The following SNX8 variants were observed in gnomAD, a reference collection of about 807,000 sequenced individuals.
SNX8 encodes the protein sorting nexin 8.
SNX8 carries 25 observed loss-of-function variants against 51.6 expected under a neutral mutation model. The observed-to-expected ratio is 0.48, with a 90% confidence interval of 0.35 to 0.68. SNX8 has a LOEUF of 0.68. SNX8 is among the 30% of genes least tolerant of loss of function. The probability of loss-of-function intolerance (pLI) is 0.00; values close to 1 mark genes in which losing one functional copy is unlikely to be tolerated. For synonymous variants in SNX8, 324 were observed against 277.0 expected (o/e 1.17, Z -1.68); for missense variants, 695 against 624.0 (o/e 1.11, Z -1.21).
At chr7:2,331,961 T>C (rs1347325195) in intron 1 of SNX8, among the ~76,000 whole-genome samples, 2 of 151,834 alleles carry the variant, frequency 1.3e-5, no homozygotes, top group African/African-American at 2.4e-5. Flanking sequence ...ATCCCAGCAC[T>C]TTGAGAAGGA....
At chr7:2,336,103 G>C (rs533774271) in intron 1 of SNX8, among the ~76,000 whole-genome samples, 105 of 94,370 alleles carry the variant, frequency 1.1e-3, no homozygotes, top group African/African-American at 3.7e-3. Flanking sequence ...ACTCCATCTC[G>C]AGAAAAAAAA....
intron 1 of SNX8, among the ~76,000 whole-genome samples, chr7:2,312,896 T>C (rs2115211667): frequency 6.6e-6 from 1 of 151,828 alleles, no homozygotes; most frequent in East Asian, 1.9e-4. Flanking sequence ...TCGTTTGTTT[T>C]GTTTTGTTTT....
At chr7:2,283,687 C>A (rs564242309) in intron 1 of SNX8, among the ~76,000 whole-genome samples, 1 of 152,316 alleles carries the variant, frequency 6.6e-6, no homozygotes, top group African/African-American at 2.4e-5. Context: ...GGCTAAATTC[C>A]CCAAAGTGGG....
chr7:2,284,209 C>T lies in SNX8; in HGVS notation c.95-5904G>A, dbSNP rs372655577. ...CCTCCTATAGTGCTGGGATGACAGG[C>T]GTGAGCCACCACACCCAGCCTGGAA... On this transcript the variant is annotated intron_variant, in intron 1 of 10. Transcript: ENST00000222990. Among the ~76,000 whole-genome samples the T allele has an allele frequency of 1.5e-3, 224 of 152,094 alleles. 5 individuals carry two copies. In the South Asian group the frequency reaches 0.045, roughly 30 times the overall value.
At chr7:2,280,070 A>C (rs1239334726) in intron 1 of SNX8, among the ~76,000 whole-genome samples, 1 of 152,116 alleles carries the variant, frequency 6.6e-6, no homozygotes, top group Non-Finnish European at 1.5e-5. Flanking sequence ...AGAAGGGAGG[A>C]AAGAAAGAGA....
chr7:2,263,258 G>A lies in SNX8; in HGVS notation c.887C>T (p.Ala296Val), dbSNP rs138849540. ...QALKGLSVEF[A>V]LLADKAAQQG... is the part of the protein sequence containing the mutation. ...TTGTGCAGCCTTGTCGGCGAGCAGC[G>A]CGAATTCCACAGACAGGCCTTTCAG... Residue 296 changes from alanine to valine, a missense_variant, in exon 7 of 11, where the codon GCG becomes GTG. Transcript: ENST00000222990. 66 of 1,613,806 alleles carry A rather than the reference G, an allele frequency of 4.1e-5. No homozygotes were observed. Among genetic ancestry groups the A allele is most frequent in the Middle Eastern group, 3.3e-4 (2 of 6,084 alleles).
intron 1 of SNX8, among the ~76,000 whole-genome samples, chr7:2,348,338 CTTTTTTTTTTTTTT>C (rs59761780): frequency 1.1e-5 from 1 of 93,676 alleles, no homozygotes; most frequent in East Asian, 3.3e-4. Flanking sequence ...TTCTTTCTTT[CTTTTTTTTTTTTTT>C]TTTTTTGAGA....
Position 2,269,600 on chromosome 7 carries a change from C to A in SNX8, c.580G>T (p.Gly194Trp). 6.2e-7 allele frequency: 1 copy of A among 1,602,226 alleles called. No homozygotes were observed. Residue 194 changes from glycine (G) to tryptophan (W), a missense_variant, in exon 5 of 11, where the codon GGG (glycine) becomes TGG (tryptophan). Transcript: ENST00000222990. The stretch of plus-strand genomic sequence containing the variant: ...AGCTTACAGTTCAGGAATTCGTCCC[C>A]GACGCACTGTGCTGACTCCTTTAAC... ...NKLKESAQCV[G>W]DEFLNCKLAT...
At chr7:2,332,808 G>A (rs573306404) in intron 1 of SNX8, among the ~76,000 whole-genome samples, 2 of 143,830 alleles carry the variant, frequency 1.4e-5, no homozygotes, top group East Asian at 2.0e-4. Flanking sequence ...AGGAAGAAAA[G>A]AAAGAAAGAG....
At chr7:2,257,131 C>T in intron 9 of SNX8, 108 bp from the exon 10 acceptor site, 1 of 1,333,710 alleles carries the variant, frequency 7.5e-7, no homozygotes, top group Non-Finnish European at 1.0e-6. Flanking sequence ...TCTCCTTCAG[C>T]CTTCACCAGG....
At chr7:2,266,681 CT>C (rs1402387014) in intron 5 of SNX8, among the ~76,000 whole-genome samples, 2 of 151,828 alleles carry the variant, frequency 1.3e-5, no homozygotes, top group Non-Finnish European at 2.9e-5. Flanking sequence ...TTTTGTTTTC[CT>C]TTTTTGTTTT....
intron 1 of SNX8, among the ~76,000 whole-genome samples, chr7:2,303,168 A>G (rs553002651): frequency 3.5e-4 from 43 of 123,452 alleles, no homozygotes; most frequent in African/African-American, 1.3e-3. Context: ...GCCTCTGCCC[A>G]GCCGTCCCTA....
At position 2,346,097 on chromosome 7, in the gene SNX8, A is replaced by G. The variant is rs192659384; in HGVS notation, c.-66+8125T>C. Among the ~76,000 whole-genome samples, 1,127 of 152,204 alleles carry G rather than the reference A, an allele frequency of 7.4e-3. 18 individuals carry two copies. The highest frequency in any genetic ancestry group is 0.033 in the Admixed American group (511 of 15,268). On this transcript the variant is annotated intron_variant, in intron 1 of 5. Coordinates refer to the SNX8 transcript ENST00000435336. Reference sequence around the variant, plus strand: ...GCTGGGATTACAGGCGTGAGCCACCACACCCAGCCTATTTCTTATAATAGC... The same window carrying G: ...GCTGGGATTACAGGCGTGAGCCACCGCACCCAGCCTATTTCTTATAATAGC...
At chr7:2,348,130 A>G (rs1779067808) in intron 1 of SNX8, among the ~76,000 whole-genome samples, 1 of 152,140 alleles carries the variant, frequency 6.6e-6, no homozygotes. Context: ...AAGTAAAAAA[A>G]GCAAGCCTAG....
chr7:2,349,803 G>A (rs1398918802), intron 1 of SNX8, among the ~76,000 whole-genome samples: 1 of 151,948 alleles, frequency 6.6e-6, no homozygotes, highest in Non-Finnish European at 1.5e-5. Flanking sequence ...CTCGATCCTG[G>A]CTCACTGCAG....
At chr7:2,330,512 A>C (rs1778710779) in intron 1 of SNX8, among the ~76,000 whole-genome samples, 1 of 152,052 alleles carries the variant, frequency 6.6e-6, no homozygotes, top group Admixed American at 6.6e-5. Context: ...CCAGCAAATT[A>C]ATTGAACCCC....
intron 1 of SNX8, among the ~76,000 whole-genome samples, chr7:2,290,169 G>A (rs1389643921): frequency 6.6e-6 from 1 of 152,002 alleles, no homozygotes; most frequent in Non-Finnish European, 1.5e-5. Context: ...CTCCAGCCTG[G>A]CGACAAGGGC....
chr7:2,321,968 C>T (rs1778527619), intron 1 of SNX8, among the ~76,000 whole-genome samples: 1 of 151,956 alleles, frequency 6.6e-6, no homozygotes, highest in South Asian at 2.1e-4. Flanking sequence ...AGGTGATCTG[C>T]CGCCTAAGCC....
intron 1 of SNX8, among the ~76,000 whole-genome samples, chr7:2,298,949 T>A (rs987527120): frequency 6.6e-6 from 1 of 152,150 alleles, no homozygotes; most frequent in Non-Finnish European, 1.5e-5. Flanking sequence ...CACCTCGGCC[T>A]CCTAAAGTGC....
Sources: gnomAD v4.1 joint callset for allele counts (sites outside exome capture counted in the v4.1 genomes callset) on GRCh38, gnomAD v4.1.1 for gene constraint, MANE v1.5 for transcripts, NCBI Gene and HGNC (gene_info 2026-07-23, HGNC 2026-07-21) for gene names.